ARHGEF28: variants seen among roughly 807,000 people sequenced by gnomAD.
ARHGEF28 encodes the protein Rho guanine nucleotide exchange factor 28.
In ARHGEF28, 152 loss-of-function variants were observed where a neutral mutation model predicts 206.6. That is an observed-to-expected ratio of 0.74 (90% CI 0.64 to 0.84). The LOEUF (loss-of-function observed/expected upper bound fraction) is 0.84, where lower values mean the gene tolerates loss of function less well. Ranked by LOEUF, ARHGEF28 falls within the 40% of genes least tolerant of loss-of-function variation. The pLI is 0.00. For synonymous variants in ARHGEF28, 763 were observed against 776.4 expected (o/e 0.98, Z 0.29); for missense variants, 2,028 against 2,073.2 (o/e 0.98, Z 0.42).
intron 20 of ARHGEF28, among the ~76,000 whole-genome samples, chr5:73,868,643 G>A (rs1452905006): frequency 1.3e-5 from 2 of 152,086 alleles, no homozygotes; most frequent in African/African-American, 4.8e-5. Context: ...TGCCTCCTAG[G>A]GGAATAAAAA....
chr5:73,699,368 C>T lies in ARHGEF28; in HGVS notation c.33+14484C>T, dbSNP rs186170371. On this transcript the variant is annotated intron_variant, in intron 2 of 35. Transcript: ENST00000513042. ...TGTGCAGATCAATAATAAGGGGAAT[C>T]GAGAGAGAGAGAGAAAGAGAACGAA... is the stretch of plus-strand genomic sequence containing the variant. 4.0e-3 allele frequency among the ~76,000 whole-genome samples: 579 copies of T among 146,400 alleles called. 3 individuals are homozygous for T. The highest frequency in any genetic ancestry group is 0.014 in the African/African-American group (543 of 39,562).
chr5:73,655,243 A>G (rs1393772586), intron 1 of ARHGEF28, among the ~76,000 whole-genome samples: 6 of 152,366 alleles, frequency 3.9e-5, no homozygotes, highest in Middle Eastern at 3.4e-3. Flanking sequence ...TTGCACAACA[A>G]CTAGGAGTTT....
At chr5:73,842,007 A>C (rs1758018896) in intron 11 of ARHGEF28, among the ~76,000 whole-genome samples, 1 of 152,204 alleles carries the variant, frequency 6.6e-6, no homozygotes, top group South Asian at 2.1e-4. Context: ...ACTCATTGAA[A>C]TGATAGTTTC....
intron 35 of ARHGEF28, among the ~76,000 whole-genome samples, chr5:73,939,285 C>CT (rs1742431525): frequency 6.6e-6 from 1 of 152,196 alleles, no homozygotes; most frequent in Non-Finnish European, 1.5e-5. Flanking sequence ...GGGACAACTC[C>CT]TGTGCTCTGT....
chr5:73,919,284 A>C (rs183667183), intron 35 of ARHGEF28, among the ~76,000 whole-genome samples: 2 of 152,284 alleles, frequency 1.3e-5, no homozygotes, highest in East Asian at 3.9e-4. Context: ...TAAATTGGGA[A>C]ATTTTTCACT....
At chr5:73,836,630 T>C (rs959079137) in intron 10 of ARHGEF28, among the ~76,000 whole-genome samples, 1 of 152,194 alleles carries the variant, frequency 6.6e-6, no homozygotes, top group African/African-American at 2.4e-5. Flanking sequence ...TTTATTTTGC[T>C]GTTTCCTTTG....
intron 9 of ARHGEF28, among the ~76,000 whole-genome samples, chr5:73,822,976 G>A (rs1460262494): frequency 6.6e-6 from 1 of 152,062 alleles, no homozygotes; most frequent in Non-Finnish European, 1.5e-5. Context: ...CTTTCTTCTG[G>A]GTAACACTAA....
At position 73,714,467 on chromosome 5, in the gene ARHGEF28, ATTC is replaced by A. The variant is rs1749447182; in HGVS notation, c.33+29588_33+29590del. 2.0e-5 allele frequency among the ~76,000 whole-genome samples: 3 copies of A among 152,300 alleles called. No homozygotes were observed. In the South Asian group the frequency reaches 6.2e-4, roughly 32 times the overall value. ...GGGTGTTGAAATGTGTCCAGTGATA[ATTC>A]TTCTATCCTCAGAAGAGAATGCCCA... On this transcript the variant is annotated intron_variant, in intron 2 of 35. Transcript: ENST00000513042.
intron 20 of ARHGEF28, 113 bp from the exon 21 acceptor site, chr5:73,869,956 T>C: frequency 7.7e-7 from 1 of 1,305,630 alleles, no homozygotes; most frequent in Non-Finnish European, 1.1e-6. Flanking sequence ...GTTTAGTAGT[T>C]TCCATGTTCA....
At chr5:73,743,162 G>A (rs1476590392) in intron 2 of ARHGEF28, among the ~76,000 whole-genome samples, 7 of 151,800 alleles carry the variant, frequency 4.6e-5, no homozygotes, top group African/African-American at 9.7e-5. Context: ...TATTTCTTTC[G>A]GTGCTGGTCT....
intron 26 of ARHGEF28, among the ~76,000 whole-genome samples, chr5:73,889,688 T>A (rs991961411): frequency 1.3e-5 from 2 of 152,256 alleles, no homozygotes; most frequent in African/African-American, 2.4e-5. Flanking sequence ...CATCTTCTCC[T>A]ACATTAGAGG....
At chr5:73,632,430 A>T (rs1051654583) in intron 1 of ARHGEF28, among the ~76,000 whole-genome samples, 2 of 152,184 alleles carry the variant, frequency 1.3e-5, no homozygotes, top group Non-Finnish European at 2.9e-5. Context: ...CTATCTCCAA[A>T]TGGTTGACCA....
intron 35 of ARHGEF28, among the ~76,000 whole-genome samples, chr5:73,913,156 G>T (rs987095242): frequency 6.6e-6 from 1 of 152,198 alleles, no homozygotes; most frequent in Non-Finnish European, 1.5e-5. Flanking sequence ...GCTGAGAAAT[G>T]TACTTACGCT....
In ARHGEF28 at chr5:73,647,533, C is replaced by T. The variant is rs555054173; in HGVS notation, c.-12+21211C>T. Among the ~76,000 whole-genome samples the T allele has an allele frequency of 5.9e-5, 9 of 152,286 alleles. No individual in the cohort carries two copies. In the South Asian group the frequency reaches 1.9e-3, roughly 32 times the overall value. ...TGTAAGCCACATAATTTAAAATTTT[C>T]AAGTAGTCATATTAAAAAGTCAAAA... On this transcript the variant is annotated intron_variant, in intron 1 of 35. Coordinates refer to ENST00000513042, the MANE Select transcript of ARHGEF28 (RefSeq NM_001177693.2).
intron 35 of ARHGEF28, among the ~76,000 whole-genome samples, chr5:73,938,299 A>G (rs929122389): frequency 6.6e-6 from 1 of 152,050 alleles, no homozygotes; most frequent in Non-Finnish European, 1.5e-5. Flanking sequence ...TATATATTCA[A>G]TTTGGCTGTT....
chr5:73,934,968 C>T (rs1764337422), intron 35 of ARHGEF28, among the ~76,000 whole-genome samples: 1 of 152,188 alleles, frequency 6.6e-6, no homozygotes, highest in Non-Finnish European at 1.5e-5. Flanking sequence ...GCCATGGCTC[C>T]CTAACAGTGG....
intron 1 of ARHGEF28, among the ~76,000 whole-genome samples, chr5:73,676,075 T>C (rs1423560192): frequency 4.8e-5 from 7 of 144,674 alleles, no homozygotes; most frequent in African/African-American, 1.4e-4. Flanking sequence ...TTTTCTTTTT[T>C]TTTTTTTTTT....
chr5:73,716,638 T>C (rs1042949528), intron 2 of ARHGEF28, among the ~76,000 whole-genome samples: 1 of 152,298 alleles, frequency 6.6e-6, no homozygotes, highest in East Asian at 1.9e-4. Context: ...ATGTCACACC[T>C]AGCCAGCCCC....
Position 73,897,783 on chromosome 5 carries a change from C to T in ARHGEF28, c.3842-179C>T, listed in dbSNP as rs142527170. On this transcript the variant is annotated intron_variant, in intron 29 of 35. Coordinates refer to ENST00000513042, the MANE Select transcript of ARHGEF28 (RefSeq NM_001177693.2). ...CTCTGGGGTGTGTGTGTGTGGTGTGCGCGCGTGCGTAGGCACATGCCCATG... is the reference window on the plus strand; with the variant it reads ...CTCTGGGGTGTGTGTGTGTGGTGTGTGCGCGTGCGTAGGCACATGCCCATG... Among the ~76,000 whole-genome samples, 686 of 152,236 alleles carry T rather than the reference C, an allele frequency of 4.5e-3. 4 individuals carry two copies. Among genetic ancestry groups the T allele is most frequent in the African/African-American group, 0.015 (625 of 41,532 alleles).
Sources: allele counts gnomAD v4.1 joint callset (sites outside exome capture counted in the v4.1 genomes callset), GRCh38; gene constraint gnomAD v4.1.1; transcripts MANE v1.5; gene names NCBI Gene and HGNC (gene_info 2026-07-23, HGNC 2026-07-21).